Variants in NCOA2 observed in about 807,000 individuals in gnomAD.
NCOA2 encodes nuclear receptor coactivator 2.
In NCOA2, 21 loss-of-function variants were observed where a neutral mutation model predicts 145.1. The observed-to-expected ratio is 0.14, with a 90% CI of 0.10 to 0.21. NCOA2 has a LOEUF of 0.21. Among genes scored for constraint, NCOA2 ranks in the 10% least tolerant of loss-of-function variants. The pLI is 1.00. For missense variants in NCOA2, 1,472 were observed against 1,837.6 expected (o/e 0.80, Z 3.64); for synonymous variants, 619 against 637.5 (o/e 0.97, Z 0.44).
intron 1 of NCOA2, among the ~76,000 whole-genome samples, chr8:70,324,141 T>C (rs890877161): frequency 1.1e-4 from 16 of 152,184 alleles, no homozygotes; most frequent in Non-Finnish European, 1.9e-4. Context: ...AAGCTGGTGA[T>C]TATTCTACTC....
the NCOA2 span, among the ~76,000 whole-genome samples, chr8:70,413,251 G>A: frequency 1.3e-5 from 2 of 152,068 alleles, no homozygotes; most frequent in African/African-American, 2.4e-5. Flanking sequence ...TTACAATTCA[G>A]TGGCATTAAA....
intron 14 of NCOA2, 137 bp from the exon 15 acceptor site, chr8:70,138,469 A>C (rs1010141223): frequency 3.5e-6 from 3 of 848,020 alleles, no homozygotes; most frequent in African/African-American, 1.8e-5. Flanking sequence ...GGTGAATATA[A>C]GAAGATAAAA....
chr8:70,160,114 GA>G (rs1180782304), intron 9 of NCOA2, among the ~76,000 whole-genome samples: 4 of 152,144 alleles, frequency 2.6e-5, no homozygotes, highest in African/African-American at 9.7e-5. Flanking sequence ...TATGTTCTCT[GA>G]ATATTCATCT....
chr8:70,149,963 A>G (rs1246442211), intron 11 of NCOA2, among the ~76,000 whole-genome samples: 2 of 152,212 alleles, frequency 1.3e-5, no homozygotes, highest in African/African-American at 4.8e-5. Flanking sequence ...CCGACATACA[A>G]TTCCTCCCCA....
chr8:70,380,155 G>A (rs1234918487), intron 1 of NCOA2, among the ~76,000 whole-genome samples: 18 of 152,132 alleles, frequency 1.2e-4, no homozygotes. Context: ...AATGCCATAA[G>A]TCAACTTCAG....
intron 15 of NCOA2, chr8:70,137,992 A>G (rs182526536): frequency 1.2e-5 from 5 of 403,668 alleles, no homozygotes; most frequent in Admixed American, 8.5e-5. Context: ...ATCAGCATAC[A>G]TATGTTATTT....
At chr8:70,226,018 T>C (rs935578019) in intron 2 of NCOA2, among the ~76,000 whole-genome samples, 3 of 152,178 alleles carry the variant, frequency 2.0e-5, no homozygotes, top group East Asian at 3.8e-4. Flanking sequence ...TAAACTGTTA[T>C]CTGAATTTAA....
the NCOA2 span, among the ~76,000 whole-genome samples, chr8:70,420,415 C>T: frequency 4.6e-5 from 7 of 152,180 alleles, no homozygotes; most frequent in East Asian, 1.3e-3. Flanking sequence ...AAACACCAGT[C>T]CCCCAACCCC....
At chr8:70,177,381 T>A (rs1814986526) in intron 4 of NCOA2, among the ~76,000 whole-genome samples, 1 of 152,122 alleles carries the variant, frequency 6.6e-6, no homozygotes, top group Admixed American at 6.5e-5. Context: ...TGTGTCTGGA[T>A]CCTCAATAGC....
chr8:70,415,320 C>G, the NCOA2 span, among the ~76,000 whole-genome samples: 4 of 152,062 alleles, frequency 2.6e-5, no homozygotes, highest in Non-Finnish European at 5.9e-5. Flanking sequence ...CAGAGCAAGA[C>G]TCTGTCCCAA....
chr8:70,388,499 C>T (rs1812873655), intron 1 of NCOA2, among the ~76,000 whole-genome samples: 1 of 152,186 alleles, frequency 6.6e-6, no homozygotes, highest in African/African-American at 2.4e-5. Context: ...TATAGCCCTC[C>T]ACTCTAATAC....
rs145956468 is a variant in NCOA2 at position 70,278,967 on chromosome 8, C to T, written c.-20+17777G>A. Among the ~76,000 whole-genome samples, 878 of 149,732 alleles carry T rather than the reference C, an allele frequency of 5.9e-3. 5 individuals carry two copies. Among genetic ancestry groups the T allele is most frequent in the African/African-American group, 0.02 (819 of 40,456 alleles). On this transcript the variant is annotated intron_variant, in intron 2 of 22. Coordinates refer to ENST00000452400, the MANE Select transcript of NCOA2 (RefSeq NM_006540.4). ...GGCAACAGAGCAAGACTCTTGTCTCCCCCAACCAAAAAAAAAAAAAAATCA... is the reference window on the plus strand; with the variant it reads ...GGCAACAGAGCAAGACTCTTGTCTCTCCCAACCAAAAAAAAAAAAAAATCA...
chr8:70,373,555 CTAATT>C (rs1279601803), intron 1 of NCOA2, among the ~76,000 whole-genome samples: 2 of 152,114 alleles, frequency 1.3e-5, no homozygotes, highest in Non-Finnish European at 2.9e-5. Flanking sequence ...TTTATAAAAT[CTAATT>C]TATCATTTTT....
chr8:70,258,239 T>G (rs1823813834), intron 2 of NCOA2, among the ~76,000 whole-genome samples: 1 of 152,190 alleles, frequency 6.6e-6, no homozygotes, highest in South Asian at 2.1e-4. Flanking sequence ...TTGAATAACA[T>G]CCTTGCCCTT....
chr8:70,266,317 C>G (rs1824587562), intron 2 of NCOA2, among the ~76,000 whole-genome samples: 2 of 152,204 alleles, frequency 1.3e-5, no homozygotes, highest in Admixed American at 1.3e-4. Flanking sequence ...TGCAGGCCAC[C>G]ATGCCCAGCT....
rs1396044937 is a variant in NCOA2, at chr8:70,163,554, C to A, written c.743G>T (p.Cys248Phe). 2 of 1,613,638 alleles carry A rather than the reference C, an allele frequency of 1.2e-6. No homozygotes were observed. The highest frequency in any genetic ancestry group is 1.7e-6 in the Non-Finnish European group (2 of 1,179,638). Residue 248 changes from cysteine (C) to phenylalanine (F), a missense_variant, in exon 8 of 23, where the codon TGC becomes TTC. Cys to Phe is a radical substitution (Grantham distance 205, BLOSUM62 -2). This residue lies in a region of NCOA2 where 284 missense variants were observed against 467.8 expected (regional missense o/e 0.61). Coordinates refer to ENST00000452400, the MANE Select transcript of NCOA2 (RefSeq NM_006540.4). ...IKEEGEDLQS[C>F]LICVARRVPM... ...AACTCTTCTTGCCACGCAAATCAAGCAGGACTGCAAATCTTAAACCACACA... is the reference window on the plus strand; with the variant it reads ...AACTCTTCTTGCCACGCAAATCAAGAAGGACTGCAAATCTTAAACCACACA...
chr8:70,171,052 T>G (rs1204689684), intron 5 of NCOA2, among the ~76,000 whole-genome samples: 2 of 152,186 alleles, frequency 1.3e-5, no homozygotes, highest in African/African-American at 4.8e-5. Context: ...TATGTCAAAT[T>G]ATTCTATGTT....
rs564070478 is a variant in NCOA2 at position 70,273,396 on chromosome 8, A to G, written c.-20+23348T>C. 777 of 752,942 alleles carry G rather than the reference A, an allele frequency of 1.0e-3. 1 individual carries two copies. The highest frequency in any genetic ancestry group is 5.6e-3 in the Middle Eastern group (12 of 2,130). The allele number at this position is 752,942 out of a possible 1,614,324, so 46.6% of individuals were successfully genotyped here. A position where few individuals can be genotyped will look rare whatever the true frequency, so the allele number is the denominator to read the frequency against. On this transcript the variant is annotated intron_variant, in intron 2 of 22. Transcript: ENST00000452400. Reference sequence around the variant, plus strand: ...AAGATGAAAGAAACAATCATGAACCAGGAAAAACTCGCCAAACTGCAGGCA... The same window carrying G: ...AAGATGAAAGAAACAATCATGAACCGGGAAAAACTCGCCAAACTGCAGGCA...
chr8:70,317,352 A>G (rs1236522387), intron 1 of NCOA2, among the ~76,000 whole-genome samples: 1 of 152,164 alleles, frequency 6.6e-6, no homozygotes, highest in African/African-American at 2.4e-5. Context: ...GACTGTCGTG[A>G]GAGGATAAAC....
Sources: gnomAD v4.1 joint callset for allele counts (sites outside exome capture counted in the v4.1 genomes callset) on GRCh38, gnomAD v4.1.1 for gene constraint, gnomAD v4.1.1 regional missense constraint, MANE v1.5 for transcripts, NCBI Gene and HGNC (gene_info 2026-07-23, HGNC 2026-07-21) for gene names.